C6: variants seen among roughly 807,000 people sequenced by gnomAD.
C6 encodes complement component C6.
A neutral mutation model predicts 112.9 loss-of-function variants in C6; 101 were observed. The ratio of observed to expected loss-of-function variants is 0.89; its 90% CI spans 0.76 to 1.06. C6 has a LOEUF of 1.06. C6 is among the 50% of genes least tolerant of loss of function. C6 has a pLI of 0.00. For missense variants in C6, 1,202 were observed against 1,104.6 expected (o/e 1.09, Z -1.25); for synonymous variants, 431 against 384.1 (o/e 1.12, Z -1.43).
chr5:41,202,193 A>G (rs185142854), intron 2 of C6, among the ~76,000 whole-genome samples: 33 of 152,288 alleles, frequency 2.2e-4, no homozygotes, highest in African/African-American at 7.5e-4. Context: ...TGAATAATTC[A>G]CGTGAATTCT....
intron 13 of C6, among the ~76,000 whole-genome samples, chr5:41,156,901 G>T (rs1042913156): frequency 3.3e-5 from 5 of 152,014 alleles, no homozygotes; most frequent in African/African-American, 1.2e-4. Context: ...ATCAAACTTA[G>T]GGAAGTACAT....
At chr5:41,159,338 T>G (rs1747250829) in intron 11 of C6, 85 bp from the exon 12 acceptor site, 1 of 1,537,236 alleles carries the variant, frequency 6.5e-7, no homozygotes, top group African/African-American at 1.4e-5. Flanking sequence ...TTTCCTCACT[T>G]TTTAGCTCAG....
chr5:41,227,558 G>C (rs965514648), intron 1 of C6, among the ~76,000 whole-genome samples: 1 of 151,962 alleles, frequency 6.6e-6, no homozygotes, highest in African/African-American at 2.4e-5. Context: ...CTTACCCCAT[G>C]ATTTCTTCCG....
At chr5:41,212,651 C>T (rs770834811) in intron 1 of C6, among the ~76,000 whole-genome samples, 1 of 152,084 alleles carries the variant, frequency 6.6e-6, no homozygotes, top group Non-Finnish European at 1.5e-5. Flanking sequence ...AAAGAATGTT[C>T]GGTCAATAGA....
intron 1 of C6, among the ~76,000 whole-genome samples, chr5:41,227,976 T>C (rs1225230819): frequency 2.6e-5 from 4 of 152,192 alleles, no homozygotes; most frequent in Non-Finnish European, 5.9e-5. Context: ...TTACAAGTTT[T>C]AGGATTTGTT....
At chr5:41,259,967 A>T (rs1471752503) in intron 1 of C6, among the ~76,000 whole-genome samples, 2 of 152,182 alleles carry the variant, frequency 1.3e-5, no homozygotes, top group African/African-American at 4.8e-5. Context: ...ACATTTCCAA[A>T]TGTCCTGTAG....
chr5:41,160,228 G>A lies in C6; in HGVS notation c.1598C>T (p.Thr533Ile). The change falls in exon 11 of 18, where the codon ACC becomes ATC. Residue 533 changes from threonine to isoleucine, a missense_variant. By Grantham distance (89) the Thr-to-Ile change is moderately conservative. Transcript: ENST00000337836. Reference sequence around the variant, plus strand: ...ACACAGACATTCAGTCCCTGAGAGGGTGGGTCGGCCATTATTAGGGCATGG... The same window carrying A: ...ACACAGACATTCAGTCCCTGAGAGGATGGGTCGGCCATTATTAGGGCATGG... The part of the protein sequence containing the change: ...CAPCPNNGRP[T>I]LSGTECLCVC... 1.2e-6 allele frequency: 2 copies of A among 1,613,918 alleles called. No individual in the cohort carries two copies. The highest frequency in any genetic ancestry group is 1.7e-6 in the Non-Finnish European group (2 of 1,179,852).
At chr5:41,198,444 T>C (rs1750768447) in intron 4 of C6, among the ~76,000 whole-genome samples, 1 of 152,178 alleles carries the variant, frequency 6.6e-6, no homozygotes, top group African/African-American at 2.4e-5. Context: ...GACAAGGATT[T>C]ACCAATCAGT....
At chr5:41,199,191 G>C (rs1032227844) in intron 4 of C6, among the ~76,000 whole-genome samples, 1 of 152,068 alleles carries the variant, frequency 6.6e-6, no homozygotes, top group Non-Finnish European at 1.5e-5. Context: ...TACTTTTCAG[G>C]ATATCTCAGA....
chr5:41,160,364 C>G lies in C6; in HGVS notation c.1462G>C (p.Ala488Pro). Residue 488 changes from alanine to proline, a missense_variant, in exon 11 of 18, where the codon GCC becomes CCC. Physicochemically the swap from Ala to Pro is conservative, Grantham distance 27. Transcript: ENST00000337836. ...TTTCTTACCAAGTCCACGATGGGGGCAAGCTAGGAGAAAATGGGAGAGAGG... is the reference window on the plus strand; with the variant it reads ...TTTCTTACCAAGTCCACGATGGGGGGAAGCTAGGAGAAAATGGGAGAGAGG... ...ENPAVIDFELAPIVDLVRNIP... is the reference protein window; with the variant it reads ...ENPAVIDFELPPIVDLVRNIP... 6.2e-7 allele frequency: 1 copy of G among 1,612,972 alleles called. No individual in the cohort carries two copies. The highest frequency in any genetic ancestry group is 2.2e-5 in the East Asian group (1 of 44,832).
At chr5:41,187,361 C>T (rs747739447) in intron 5 of C6, among the ~76,000 whole-genome samples, 16 of 152,062 alleles carry the variant, frequency 1.1e-4, no homozygotes, top group South Asian at 2.1e-4. Flanking sequence ...TGAAAGGCAC[C>T]ACCTTTACCA....
At chr5:41,152,178 A>G (rs751099596) in intron 15 of C6, among the ~76,000 whole-genome samples, 1 of 152,206 alleles carries the variant, frequency 6.6e-6, no homozygotes, top group Non-Finnish European at 1.5e-5. Context: ...TCAGGAGACC[A>G]CATACCATAA....
At chr5:41,192,959 G>A (rs1211295795) in intron 5 of C6, among the ~76,000 whole-genome samples, 1 of 152,136 alleles carries the variant, frequency 6.6e-6, no homozygotes, top group Non-Finnish European at 1.5e-5. Flanking sequence ...ATTATATCAT[G>A]GTGATGGTTA....
At chr5:41,235,117 GC>G (rs1740185590) in intron 1 of C6, among the ~76,000 whole-genome samples, 1 of 136,810 alleles carries the variant, frequency 7.3e-6, no homozygotes, top group African/African-American at 2.8e-5. Flanking sequence ...GGGTACATGT[GC>G]ACATTGTGCA....
chr5:41,146,336 G>T (rs1050237427), intron 17 of C6, among the ~76,000 whole-genome samples: 1 of 152,096 alleles, frequency 6.6e-6, no homozygotes, highest in Non-Finnish European at 1.5e-5. Flanking sequence ...TTCCATTTTA[G>T]ATAGAGAAGG....
At chr5:41,211,211 T>C (rs1751895161) in intron 1 of C6, among the ~76,000 whole-genome samples, 1 of 151,812 alleles carries the variant, frequency 6.6e-6, no homozygotes, top group Admixed American at 6.6e-5. Context: ...CACAGGGTGG[T>C]GAACATCATA....
intron 1 of C6, among the ~76,000 whole-genome samples, chr5:41,225,639 C>T (rs1373551910): frequency 1.3e-5 from 2 of 152,166 alleles, no homozygotes; most frequent in Admixed American, 6.5e-5. Flanking sequence ...TGAGGAATCA[C>T]CACACTGACT....
chr5:41,161,796 C>G lies in C6; in HGVS notation c.1355G>C (p.Gly452Ala). 6.2e-7 allele frequency: 1 copy of G among 1,613,704 alleles called. No individual in the cohort carries two copies. The highest frequency in any genetic ancestry group is 2.2e-5 in the East Asian group (1 of 44,844). Reference sequence around the variant, plus strand: ...CCCTTTCTCCCATGCCAAAGCTGCTCCATATTCACTCCTTCCACCTCGAAT... The same window carrying G: ...CCCTTTCTCCCATGCCAAAGCTGCTGCATATTCACTCCTTCCACCTCGAAT... ...SLIRGGRSEYGAALAWEKGSS... is the reference protein window; with the variant it reads ...SLIRGGRSEYAAALAWEKGSS... The change falls in exon 10 of 18, where the codon GGA becomes GCA. Residue 452 changes from glycine (G) to alanine (A), a missense_variant. By Grantham distance (60) the Gly-to-Ala change is moderately conservative. Coordinates refer to ENST00000337836, the MANE Select transcript of C6 (RefSeq NM_000065.5).
chr5:41,160,385 A>G lies in C6; in HGVS notation c.1459-18T>C. ...GGGGCAAGCTAGGAGAAAATGGGAG[A>G]GAGGAGGTCCAGTCACATCCCCTTT... On this transcript the variant is annotated intron_variant, in intron 10 of 17. Transcript: ENST00000337836. 1.3e-6 allele frequency: 2 copies of G among 1,591,782 alleles called. No homozygotes were observed. The highest frequency in any genetic ancestry group is 1.7e-6 in the Non-Finnish European group (2 of 1,159,862).
Sources: allele counts gnomAD v4.1 joint callset (sites outside exome capture counted in the v4.1 genomes callset), GRCh38; gene constraint gnomAD v4.1.1; transcripts MANE v1.5; gene names NCBI Gene and HGNC (gene_info 2026-07-23, HGNC 2026-07-21).